The following JPT2 variants were observed in gnomAD, a reference collection of about 807,000 sequenced individuals.
JPT2 encodes the protein CRAMP_1 like.
In JPT2, 9 loss-of-function variants were observed where a neutral mutation model predicts 15.9. The ratio of observed to expected loss-of-function variants is 0.57; its 90% CI spans 0.34 to 0.99. The LOEUF is 0.99. Ranked by LOEUF, JPT2 falls within the 50% of genes least tolerant of loss-of-function variation. The probability of loss-of-function intolerance (pLI) is 0.02; values close to 1 mark genes in which losing one functional copy is unlikely to be tolerated. For missense variants in JPT2, 267 were observed against 252.1 expected, an observed-to-expected ratio of 1.06 and a Z score of -0.40; for synonymous variants, 95 against 91.7, an observed-to-expected ratio of 1.04 and a Z score of -0.21.
intron 3 of JPT2, among the ~76,000 whole-genome samples, chr16:1,695,063 A>T (rs1266985921): frequency 6.6e-6 from 1 of 152,054 alleles, no homozygotes; most frequent in African/African-American, 2.4e-5. Flanking sequence ...GGAGTTCCAG[A>T]CCAGCCTGGA....
At chr16:1,684,463 A>G (rs1432098428) in intron 1 of JPT2, among the ~76,000 whole-genome samples, 1 of 152,208 alleles carries the variant, frequency 6.6e-6, no homozygotes, top group Non-Finnish European at 1.5e-5. Context: ...TTCAAGAGCC[A>G]GGTGCGATGG....
chr16:1,683,494 C>G, intron 1 of JPT2: 2 of 1,512,166 alleles, frequency 1.3e-6, no homozygotes, highest in Non-Finnish European at 1.8e-6. Flanking sequence ...TTTTCTCCCT[C>G]CTCAAATCCT....
At chr16:1,682,790 C>T (rs1328195168) in intron 1 of JPT2, among the ~76,000 whole-genome samples, 1 of 152,174 alleles carries the variant, frequency 6.6e-6, no homozygotes, top group Non-Finnish European at 1.5e-5. Context: ...TAAGCCACGC[C>T]CTCCCACCCA....
chr16:1,678,554 T>C (rs994047485), intron 1 of JPT2, among the ~76,000 whole-genome samples, 198 bp downstream of exon 1: 1 of 152,014 alleles, frequency 6.6e-6, no homozygotes, highest in Non-Finnish European at 1.5e-5. Context: ...GGCCGCTCGC[T>C]GAGGCCCGGG....
At chr16:1,697,343 T>A (rs2037149466) in intron 3 of JPT2, among the ~76,000 whole-genome samples, 1 of 151,966 alleles carries the variant, frequency 6.6e-6, no homozygotes, top group Non-Finnish European at 1.5e-5. Context: ...CAAAACCCTG[T>A]CTCTACAAAA....
At position 1,699,607 on chromosome 16, in the gene JPT2, G is replaced by C. The variant is rs777141410; in HGVS notation, c.*609G>C. Reference sequence around the variant, plus strand: ...CTACTTCATGGAAGATTGTTTTGGTGCCCTGACCCTCTGAAGTGCCCAGTT... The same window carrying C: ...CTACTTCATGGAAGATTGTTTTGGTCCCCTGACCCTCTGAAGTGCCCAGTT... On this transcript the variant is annotated 3_prime_UTR_variant, in exon 5 of 5. Transcript: ENST00000248098. 46 of 305,874 alleles carry C rather than the reference G, an allele frequency of 1.5e-4. No individual in the cohort carries two copies. The highest frequency in any genetic ancestry group is 2.4e-4 in the Non-Finnish European group (37 of 154,644). The allele number at this position is 305,874 out of a possible 1,614,324, so 18.9% of individuals were successfully genotyped here.
At chr16:1,696,932 T>C (rs2037146442) in intron 3 of JPT2, among the ~76,000 whole-genome samples, 1 of 152,176 alleles carries the variant, frequency 6.6e-6, no homozygotes, top group African/African-American at 2.4e-5. Context: ...TAAACAGGAT[T>C]ACCATATGAC....
intron 3 of JPT2, among the ~76,000 whole-genome samples, chr16:1,693,257 C>T (rs1372407889): frequency 2.0e-5 from 3 of 152,128 alleles, no homozygotes; most frequent in Admixed American, 2.0e-4. Flanking sequence ...CCACCACGTC[C>T]GGCTAATTTT....
intron 2 of JPT2, among the ~76,000 whole-genome samples, chr16:1,691,607 G>C (rs1000517055): frequency 6.6e-6 from 1 of 152,168 alleles, no homozygotes; most frequent in East Asian, 1.9e-4. Context: ...GGCCAGCCTA[G>C]ATCAGCTCAG....
At chr16:1,695,739 T>C (rs2037136872) in intron 3 of JPT2, among the ~76,000 whole-genome samples, 1 of 151,578 alleles carries the variant, frequency 6.6e-6, no homozygotes, top group Admixed American at 6.6e-5. Flanking sequence ...GGCATGGTGG[T>C]GCACACCTGT....
chr16:1,686,397 A>G (rs2037066822), intron 2 of JPT2: 2 of 153,284 alleles, frequency 1.3e-5, no homozygotes, highest in African/African-American at 2.4e-5. Context: ...AAAGAAAAAG[A>G]AAAAGGTTTC....
chr16:1,687,728 C>T (rs754963031), intron 2 of JPT2, among the ~76,000 whole-genome samples: 14 of 152,262 alleles, frequency 9.2e-5, no homozygotes, highest in African/African-American at 2.2e-4. Context: ...GTCCTTCTCA[C>T]GGTTGTTGGG....
At chr16:1,682,191 C>T (rs1363891919) in intron 1 of JPT2, among the ~76,000 whole-genome samples, 6 of 151,804 alleles carry the variant, frequency 4.0e-5, no homozygotes, top group African/African-American at 7.3e-5. Flanking sequence ...GCCTGGCCGA[C>T]GTGGTGAAAC....
At chr16:1,682,658 G>A (rs1196050661) in intron 1 of JPT2, among the ~76,000 whole-genome samples, 2 of 151,314 alleles carry the variant, frequency 1.3e-5, no homozygotes, top group East Asian at 1.9e-4. Flanking sequence ...GGCAACAAGA[G>A]CGAGATTTCG....
intron 1 of JPT2, chr16:1,680,203 G>C (rs1004417685): frequency 3.1e-5 from 13 of 418,920 alleles, no homozygotes; most frequent in Non-Finnish European, 3.9e-5. Flanking sequence ...ACATCAGTGG[G>C]GGGAGGGACT....
At chr16:1,693,361 T>A (rs140158584) in intron 3 of JPT2, among the ~76,000 whole-genome samples, 63 of 152,314 alleles carry the variant, frequency 4.1e-4, no homozygotes, top group Middle Eastern at 3.4e-3. Flanking sequence ...CCTCCCAAAG[T>A]GCTGGGATTA....
chr16:1,678,361 G>A lies in JPT2; in HGVS notation c.44+5G>A. ...GGGCGGCCGCGCCGGCTCCAGGTGC[G>A]GCGCGGGGCACACGGGAGGCGGGCG... On this transcript the variant is annotated splice_donor_5th_base_variant and intron_variant, in intron 1 of 4. Coordinates refer to ENST00000248098, the MANE Select transcript of JPT2 (RefSeq NM_144570.3). 1 of 1,231,626 alleles carries A rather than the reference G, an allele frequency of 8.1e-7. No homozygotes were observed. Among genetic ancestry groups the A allele is most frequent in the Non-Finnish European group, 1.0e-6 (1 of 985,910 alleles). The allele number at this position is 1,231,626 out of a possible 1,614,324, so 76.3% of individuals were successfully genotyped here.
intron 2 of JPT2, chr16:1,686,432 C>G (rs2142223416): frequency 6.4e-6 from 1 of 155,270 alleles, no homozygotes; most frequent in Non-Finnish European, 1.4e-5. Context: ...TGGCTCATGC[C>G]TGTAATCCTA....
rs1237343088 is a variant in JPT2, at chr16:1,698,780, T to A, written c.386-31T>A. 1 of 1,589,926 alleles carries A rather than the reference T, an allele frequency of 6.3e-7. No homozygotes were observed. The highest frequency in any genetic ancestry group is 1.4e-5 in the African/African-American group (1 of 73,836). On this transcript the variant is annotated intron_variant, in intron 4 of 4. Coordinates refer to ENST00000248098, the MANE Select transcript of JPT2 (RefSeq NM_144570.3). This position sits in a 1 kb window ranked among gnomAD's most constrained non-coding sequence, Gnocchi z 4.9. ...TGTCAGGGTCATGGGTTGCCTCTAA[T>A]GGGATGTTGTTCTAACTTTGTGTCC...
Sources: gnomAD v4.1 joint callset for allele counts (sites outside exome capture counted in the v4.1 genomes callset) on GRCh38, gnomAD v4.1.1 for gene constraint, Gnocchi (gnomAD v3.1) non-coding constraint, MANE v1.5 for transcripts, NCBI Gene and HGNC (gene_info 2026-07-23, HGNC 2026-07-21) for gene names.